DCDC1: variants seen among roughly 807,000 people sequenced by gnomAD.
DCDC1 encodes doublecortin domain-containing protein 1.
In DCDC1, 200 loss-of-function variants were observed where a neutral mutation model predicts 178.3. The ratio of observed to expected loss-of-function variants is 1.12; its 90% CI spans 1.00 to 1.26. The LOEUF (loss-of-function observed/expected upper bound fraction) is 1.26, where lower values mean the gene tolerates loss of function less well. Ranked by LOEUF, DCDC1 falls within the 50% of genes most tolerant of loss-of-function variation. DCDC1 has a pLI of 0.00. For synonymous variants in DCDC1, 690 were observed against 604.8 expected (o/e 1.14, Z -2.07); for missense variants, 1,983 against 1,749.2 (o/e 1.13, Z -2.38).
At chr11:31,275,593 C>T (rs912881958) in intron 7 of DCDC1, among the ~76,000 whole-genome samples, 3 of 152,138 alleles carry the variant, frequency 2.0e-5, no homozygotes, top group Admixed American at 6.5e-5. Flanking sequence ...CAACCTCTGC[C>T]TCCCGGGTTC....
At chr11:31,359,502 T>A (rs1440102916) in intron 1 of DCDC1, among the ~76,000 whole-genome samples, 3 of 151,682 alleles carry the variant, frequency 2.0e-5, no homozygotes, top group Admixed American at 6.6e-5. Flanking sequence ...AGTTAGTGGG[T>A]GCAGCGCACC....
chr11:31,222,367 C>A (rs373107568), intron 9 of DCDC1, among the ~76,000 whole-genome samples: 1 of 152,080 alleles, frequency 6.6e-6, no homozygotes, highest in African/African-American at 2.4e-5. Flanking sequence ...CTGGCCTCCT[C>A]TAGTTTCTAA....
At chr11:31,162,627 C>T (rs1326530984) in intron 9 of DCDC1, among the ~76,000 whole-genome samples, 1 of 152,024 alleles carries the variant, frequency 6.6e-6, no homozygotes, top group Non-Finnish European at 1.5e-5. Context: ...GAAGTCATAT[C>T]ATTAACACAG....
intron 20 of DCDC1, among the ~76,000 whole-genome samples, 194 bp from the exon 21 acceptor site, chr11:30,952,762 T>A (rs1292525937): frequency 6.6e-6 from 1 of 152,122 alleles, no homozygotes; most frequent in East Asian, 1.9e-4. Context: ...AATTTTAAAA[T>A]CAGGAAAGCA....
chr11:31,240,815 T>G (rs1026894973), intron 9 of DCDC1, among the ~76,000 whole-genome samples: 1 of 152,028 alleles, frequency 6.6e-6, no homozygotes. Context: ...AATCCTACTT[T>G]AAGATAAATC....
rs1271560285 is a variant in DCDC1, at chr11:31,349,920, TGAGAACA to T, written c.-124-14363_-124-14357del. On this transcript the variant is annotated intron_variant, in intron 1 of 38. Coordinates refer to ENST00000684477, the MANE Select transcript of DCDC1 (RefSeq NM_001387274.1). ...ATTTACTATGTTACTAAATATTTGT[TGAGAACA>T]TGATTTTTTATTACCTGTTTAATAT... 2.1e-4 allele frequency among the ~76,000 whole-genome samples: 32 copies of T among 152,334 alleles called. 1 individual carries two copies. Among genetic ancestry groups the T allele is most frequent in the Admixed American group, 2.0e-3 (30 of 15,302 alleles).
At chr11:31,275,208 C>A (rs1351077281) in intron 7 of DCDC1, among the ~76,000 whole-genome samples, 2 of 152,120 alleles carry the variant, frequency 1.3e-5, no homozygotes, top group Non-Finnish European at 2.9e-5. Context: ...TTCTGATAAG[C>A]TAGCAAAAAA....
chr11:31,078,058 A>T (rs1956968157), intron 17 of DCDC1, 133 bp from the exon 18 acceptor site: 1 of 642,156 alleles, frequency 1.6e-6, no homozygotes, highest in Admixed American at 2.4e-5. Context: ...TTCTGCCACC[A>T]TCACTTTTAT....
intron 9 of DCDC1, among the ~76,000 whole-genome samples, chr11:31,226,985 C>CAA (rs1565466231): frequency 6.6e-6 from 1 of 151,910 alleles, no homozygotes; most frequent in African/African-American, 2.4e-5. Context: ...TAAATAAAAA[C>CAA]ATATGTTTCT....
At chr11:31,119,488 A>G (rs1351345239) in intron 11 of DCDC1, among the ~76,000 whole-genome samples, 1 of 152,178 alleles carries the variant, frequency 6.6e-6, no homozygotes, top group Non-Finnish European at 1.5e-5. Context: ...TTAAATAAGA[A>G]CGACACGGAT....
At chr11:31,307,605 T>C (rs1340372725) in intron 4 of DCDC1, 34 bp downstream of exon 4, 4 of 1,606,470 alleles carry the variant, frequency 2.5e-6, no homozygotes, top group Non-Finnish European at 3.4e-6. Context: ...ACTTCAACAA[T>C]AGGTTAAAAA....
chr11:31,162,417 G>C (rs932793457), intron 9 of DCDC1, among the ~76,000 whole-genome samples: 1 of 152,118 alleles, frequency 6.6e-6, no homozygotes, highest in Non-Finnish European at 1.5e-5. Flanking sequence ...CTAAAGCTAA[G>C]AAGACAGCTC....
intron 26 of DCDC1, among the ~76,000 whole-genome samples, chr11:30,916,216 T>A (rs1945825788): frequency 6.6e-6 from 1 of 152,186 alleles, no homozygotes; most frequent in Non-Finnish European, 1.5e-5. Context: ...CACTAATAAT[T>A]TAAATGACTG....
rs901454632 is a variant in DCDC1 at position 30,916,961 on chromosome 11, C to T, written c.3361G>A (p.Glu1121Lys). Reference protein sequence around the residue: ...CHTLPRYAWQETSHDFDEDDS... With the variant: ...CHTLPRYAWQKTSHDFDEDDS... ...TCCTCATCAAAGTCATGTGAAGTTT[C>T]CTGCCAGGCATACCTGGGAAGTGTG... is the stretch of plus-strand genomic sequence containing the variant. The change falls in exon 26 of 39, where the codon GAA becomes AAA. Residue 1121 changes from glutamate to lysine, a missense_variant. Transcript: ENST00000684477. 6.2e-7 allele frequency: 1 copy of T among 1,611,262 alleles called. No individual in the cohort carries two copies. The highest frequency in any genetic ancestry group is 1.7e-5 in the Admixed American group (1 of 59,728).
chr11:31,153,086 T>C (rs1965346753), intron 9 of DCDC1, among the ~76,000 whole-genome samples: 1 of 152,162 alleles, frequency 6.6e-6, no homozygotes, highest in Non-Finnish European at 1.5e-5. Context: ...TATACCTATG[T>C]TTTGGATTTA....
At chr11:31,273,782 T>C (rs1945766433) in intron 7 of DCDC1, among the ~76,000 whole-genome samples, 1 of 152,158 alleles carries the variant, frequency 6.6e-6, no homozygotes, top group Non-Finnish European at 1.5e-5. Context: ...GAATGGGCAA[T>C]TTATAAAAGA....
intron 9 of DCDC1, among the ~76,000 whole-genome samples, chr11:31,165,548 C>T (rs942125922): frequency 9.2e-5 from 14 of 152,142 alleles, no homozygotes; most frequent in African/African-American, 2.7e-4. Flanking sequence ...TAGCCTCAAG[C>T]GACCCTCCCA....
chr11:31,079,655 C>CA (rs1262730330), intron 17 of DCDC1, among the ~76,000 whole-genome samples: 1 of 151,786 alleles, frequency 6.6e-6, no homozygotes, highest in East Asian at 1.9e-4. Context: ...TTGTAGGACA[C>CA]ACAGCAGGTG....
intron 9 of DCDC1, among the ~76,000 whole-genome samples, chr11:31,193,506 A>C (rs944622296): frequency 6.6e-6 from 1 of 152,100 alleles, no homozygotes; most frequent in Non-Finnish European, 1.5e-5. Flanking sequence ...AAAATTAAAA[A>C]TGTGAAACAC....
Sources: allele counts gnomAD v4.1 joint callset (sites outside exome capture counted in the v4.1 genomes callset), GRCh38; gene constraint gnomAD v4.1.1; transcripts MANE v1.5; gene names NCBI Gene and HGNC (gene_info 2026-07-23, HGNC 2026-07-21).